The following DHX38 variants were observed in gnomAD, a reference collection of about 807,000 sequenced individuals.
DHX38 encodes the protein pre-mRNA-splicing factor ATP-dependent RNA helicase PRP16.
In DHX38, 100 loss-of-function variants were observed where a neutral mutation model predicts 153.1. The ratio of observed to expected loss-of-function variants is 0.65; its 90% confidence interval spans 0.56 to 0.77. DHX38 has a LOEUF of 0.77. Ranked by LOEUF, DHX38 falls within the 30% of genes least tolerant of loss-of-function variation. DHX38 has a pLI of 0.00. For missense variants in DHX38, 1,440 were observed against 1,654.0 expected, an observed-to-expected ratio of 0.87 and a Z score of 2.24; for synonymous variants, 650 against 631.7, an observed-to-expected ratio of 1.03 and a Z score of -0.43.
In DHX38 at chr16:72,104,270, C is replaced by G; in HGVS notation, c.2010+139C>G. ...CTGAGGCCTCTGGTTGCAGTTCAGACTCGGGTTGTAGTTCATGCTGTTCTT... is the reference window on the plus strand; with the variant it reads ...CTGAGGCCTCTGGTTGCAGTTCAGAGTCGGGTTGTAGTTCATGCTGTTCTT... On this transcript the variant is annotated intron_variant, in intron 14 of 26. Transcript: ENST00000268482. This position sits in a 1 kb window ranked among gnomAD's most constrained non-coding sequence, Gnocchi z 4.5. The G allele has an allele frequency of 8.0e-7, 1 of 1,257,162 alleles. No individual in the cohort carries two copies. The highest frequency in any genetic ancestry group is 1.5e-5 in the South Asian group (1 of 67,584). 77.9% of individuals were successfully genotyped at this position (1,257,162 alleles called of 1,614,324 possible). A position where few individuals can be genotyped will look rare whatever the true frequency, so the allele number is the denominator to read the frequency against.
In DHX38 at chr16:72,104,927, G is replaced by A; in HGVS notation, c.2152-100G>A. The stretch of plus-strand genomic sequence containing the variant: ...GGTGTGGTGGCCCTCAAAGTCCATG[G>A]CTCCATTCCAGAGCAGTGCCTGGGC... On this transcript the variant is annotated intron_variant, in intron 15 of 26. Transcript: ENST00000268482. The surrounding 1 kb of genome is among the most constrained non-coding windows in gnomAD (Gnocchi z 4.5). The A allele has an allele frequency of 8.2e-7, 1 of 1,215,232 alleles. No homozygotes were observed. Among genetic ancestry groups the A allele is most frequent in the Non-Finnish European group, 1.1e-6 (1 of 870,962 alleles). 75.3% of individuals were successfully genotyped at this position (1,215,232 alleles called of 1,614,324 possible).
rs1323068181 is a variant in DHX38, at chr16:72,112,615, G to A, written c.*118G>A. On this transcript the variant is annotated 3_prime_UTR_variant, in exon 27 of 27. Coordinates refer to ENST00000268482, the MANE Select transcript of DHX38 (RefSeq NM_014003.4). ...GAGGACTTTCATCTGTGCATATCAC[G>A]GCCCCCCAGGGCAGTTCCTGCTGGA... is the stretch of plus-strand genomic sequence containing the variant. 4 of 1,070,458 alleles carry A rather than the reference G, an allele frequency of 3.7e-6. No homozygotes were observed. Among genetic ancestry groups the A allele is most frequent in the African/African-American group, 3.1e-5 (2 of 64,288 alleles). The allele number at this position is 1,070,458 out of a possible 1,614,324, so 66.3% of individuals were successfully genotyped here.
intron 4 of DHX38, 65 bp downstream of exon 4, chr16:72,097,846 C>A: frequency 8.2e-7 from 1 of 1,213,228 alleles, no homozygotes. Context: ...GAGTGACTCT[C>A]GTCTTCAGTG....
Position 72,104,270 on chromosome 16 carries a change from C to A in DHX38, c.2010+139C>A. 8.0e-7 allele frequency: 1 copy of A among 1,257,156 alleles called. No homozygotes were observed. The highest frequency in any genetic ancestry group is 1.1e-6 in the Non-Finnish European group (1 of 923,260). The allele number at this position is 1,257,156 out of a possible 1,614,324, so 77.9% of individuals were successfully genotyped here. A position where few individuals can be genotyped will look rare whatever the true frequency, so the allele number is the denominator to read the frequency against. On this transcript the variant is annotated intron_variant, in intron 14 of 26. Coordinates refer to ENST00000268482, the MANE Select transcript of DHX38 (RefSeq NM_014003.4). This position sits in a 1 kb window ranked among gnomAD's most constrained non-coding sequence, Gnocchi z 4.5. ...CTGAGGCCTCTGGTTGCAGTTCAGA[C>A]TCGGGTTGTAGTTCATGCTGTTCTT...
Position 72,105,115 on chromosome 16 carries a change from T to A in DHX38, c.2240T>A (p.Met747Lys). The A allele has an allele frequency of 6.2e-7, 1 of 1,614,222 alleles. No homozygotes were observed. Among genetic ancestry groups the A allele is most frequent in the Admixed American group, 1.7e-5 (1 of 60,026 alleles). Residue 747 changes from methionine (M) to lysine (K), a missense_variant, in exon 16 of 27, where the codon ATG becomes AAG. Physicochemically the swap from Met to Lys is moderately conservative, Grantham distance 95 (BLOSUM62 -1). This residue lies in a region of DHX38 where 543 missense variants were observed against 717.9 expected (regional missense o/e 0.76). Transcript: ENST00000268482. ...GCCCCTGGAGACATCCTTATCTTCA[T>A]GCCTGGCCAAGAGGACATTGAGGTG... ...SGAPGDILIF[M>K]PGQEDIEVTS...
intron 3 of DHX38, 146 bp downstream of exon 3, chr16:72,097,155 G>A: frequency 1.2e-6 from 1 of 830,152 alleles, no homozygotes; most frequent in Non-Finnish European, 1.8e-6. Flanking sequence ...GACCCTGCTG[G>A]GATTGGGAAT....
chr16:72,100,030 G>C lies in DHX38; in HGVS notation c.1116+143G>C. On this transcript the variant is annotated intron_variant, in intron 8 of 26. Transcript: ENST00000268482. ...CAGATCCTCTGGAGGTGGAAGAGGA[G>C]TGGGTGATGAGCCTTTTAGTAGCTT... 10 of 1,158,110 alleles carry C rather than the reference G, an allele frequency of 8.6e-6. No homozygotes were observed. The East Asian group carries it at 1.8e-4, about 21-fold the overall frequency. The allele number at this position is 1,158,110 out of a possible 1,614,324, so 71.7% of individuals were successfully genotyped here.
chr16:72,100,415 G>C (rs779685226), intron 8 of DHX38, 21 bp from the exon 9 acceptor site: 2 of 1,611,834 alleles, frequency 1.2e-6, no homozygotes, highest in East Asian at 4.5e-5. Context: ...TTTGAGTGTG[G>C]CTCCCATTGT....
At chr16:72,097,287 C>G (rs2042034691) in intron 3 of DHX38, 1 of 398,144 alleles carries the variant, frequency 2.5e-6, no homozygotes, top group African/African-American at 2.0e-5. Context: ...AAGAGACCAG[C>G]ATTTCTAATA....
In DHX38 at chr16:72,112,787, T is replaced by G; in HGVS notation, c.*290T>G. 1 of 702,746 alleles carries G rather than the reference T, an allele frequency of 1.4e-6. No homozygotes were observed. Among genetic ancestry groups the G allele is most frequent in the Non-Finnish European group, 2.6e-6 (1 of 384,858 alleles). The allele number at this position is 702,746 out of a possible 1,614,324, so 43.5% of individuals were successfully genotyped here. ...TAAAACTGGCCCAGGACACTTGGTG[T>G]ATGCGTGACTTGGCTGTGGCTGTCT... On this transcript the variant is annotated 3_prime_UTR_variant, in exon 27 of 27. Transcript: ENST00000268482.
chr16:72,103,512 A>C, intron 12 of DHX38, 90 bp from the exon 13 acceptor site: 4 of 1,415,952 alleles, frequency 2.8e-6, no homozygotes, highest in Admixed American at 1.9e-5. Flanking sequence ...ATAGCTAGTC[A>C]TGGGGATAGG....
At chr16:72,103,039 C>T (rs769985409) in intron 11 of DHX38, 35 bp from the exon 12 acceptor site, 12 of 1,609,652 alleles carry the variant, frequency 7.5e-6, no homozygotes, top group Middle Eastern at 1.6e-4. Context: ...GCATGGGGCA[C>T]CATGCAGGGT....
At position 72,106,017 on chromosome 16, in the gene DHX38, A is replaced by AGGATTGG; in HGVS notation, c.2501_2507dup (p.Met837AspfsTer12). 1 of 1,614,156 alleles carries AGGATTGG rather than the reference A, an allele frequency of 6.2e-7. No individual in the cohort carries two copies. Among genetic ancestry groups the AGGATTGG allele is most frequent in the Non-Finnish European group, 8.5e-7 (1 of 1,179,994 alleles). The stretch of plus-strand genomic sequence containing the variant: ...CGTCCCCTCCTAGGTCTTCAACCCC[A>AGGATTGG]GGATTGGCATGGATGCTCTGCAGAT... On this transcript the variant is annotated frameshift_variant, in exon 19 of 27. Coordinates refer to ENST00000268482, the MANE Select transcript of DHX38 (RefSeq NM_014003.4). LOFTEE classifies it high-confidence loss of function.
At chr16:72,112,322 G>A in intron 26 of DHX38, 91 bp from the exon 27 acceptor site, 2 of 1,310,664 alleles carry the variant, frequency 1.5e-6, no homozygotes, top group Non-Finnish European at 2.2e-6. Flanking sequence ...CATGGGTTAG[G>A]AACAGTAAGT....
intron 12 of DHX38, 117 bp downstream of exon 12, chr16:72,103,328 C>CT: frequency 2.2e-6 from 3 of 1,384,510 alleles, no homozygotes; most frequent in Non-Finnish European, 2.9e-6. Flanking sequence ...AAGGGAAATA[C>CT]TTTTTTCCTC....
rs2042164304 is a variant in DHX38 at position 72,105,565 on chromosome 16, A to G, written c.2428A>G (p.Thr810Ala). 1 of 1,614,118 alleles carries G rather than the reference A, an allele frequency of 6.2e-7. No homozygotes were observed. Among genetic ancestry groups the G allele is most frequent in the East Asian group, 2.2e-5 (1 of 44,876 alleles). ...CATCGTTGCCACCAATATTGCCGAG[A>G]CGTCTCTCACTGTTGACGGCATCAT... ...KCIVATNIAETSLTVDGIMFV... is the reference protein window; with the variant it reads ...KCIVATNIAEASLTVDGIMFV... The change falls in exon 18 of 27, where the codon ACG becomes GCG. Residue 810 changes from threonine (T) to alanine (A), a missense_variant. Physicochemically the swap from Thr to Ala is moderately conservative, Grantham distance 58. Coordinates refer to ENST00000268482, the MANE Select transcript of DHX38 (RefSeq NM_014003.4).
At position 72,104,450 on chromosome 16, in the gene DHX38, C is replaced by T. The variant is rs202147948; in HGVS notation, c.2011-36C>T. On this transcript the variant is annotated intron_variant, in intron 14 of 26. Coordinates refer to ENST00000268482, the MANE Select transcript of DHX38 (RefSeq NM_014003.4). This position sits in a 1 kb window ranked among gnomAD's most constrained non-coding sequence, Gnocchi z 4.5. ...ACTGGGGGACAGGAGCCAAGGGTCC[C>T]CACCATGGGGGCCTCCGAGCCGCCT... 9 of 1,609,894 alleles carry T rather than the reference C, an allele frequency of 5.6e-6. No homozygotes were observed. The highest frequency in any genetic ancestry group is 2.2e-5 in the East Asian group (1 of 44,850).
At chr16:72,097,870 A>C (rs1274245601) in intron 4 of DHX38, 89 bp downstream of exon 4, 1 of 1,257,140 alleles carries the variant, frequency 8.0e-7, no homozygotes, top group Non-Finnish European at 1.1e-6. Context: ...TTGCTGAGGC[A>C]TTGAGTCAGA....
chr16:72,096,180 C>T lies in DHX38; in HGVS notation c.23C>T (p.Ala8Val), dbSNP rs2042014792. The T allele has an allele frequency of 1.2e-6, 2 of 1,606,236 alleles. No individual in the cohort carries two copies. Residue 8 changes from alanine to valine, a missense_variant, in exon 2 of 27, where the codon GCC becomes GTC. By Grantham distance (64) the Ala-to-Val change is moderately conservative (BLOSUM62 0). This residue lies in a region of DHX38 where 483 missense variants were observed against 465.1 expected (regional missense o/e 1.04). Transcript: ENST00000268482. MGDTSEDASIHRLEGTDL... is the reference protein window; with the variant it reads MGDTSEDVSIHRLEGTDL... ...GTGATGGGGGACACCAGTGAGGATG[C>T]CTCGATCCATCGATTGGAAGGCACT...
Sources: allele counts gnomAD v4.1 joint callset, GRCh38; gene constraint gnomAD v4.1.1; regional missense constraint gnomAD v4.1.1; non-coding constraint Gnocchi (gnomAD v3.1); transcripts MANE v1.5; gene names NCBI Gene and HGNC (gene_info 2026-07-23, HGNC 2026-07-21).